The following SNTG1 variants were observed in gnomAD, a reference collection of about 807,000 sequenced individuals.
The protein encoded by SNTG1 is syntrophin gamma 1, also known as gamma-1-syntrophin.
SNTG1 carries 39 observed loss-of-function variants against 74.7 expected under a neutral mutation model. The observed-to-expected ratio is 0.52, with a 90% CI of 0.40 to 0.68. SNTG1 has a LOEUF of 0.68. Ranked by LOEUF, SNTG1 falls within the 30% of genes least tolerant of loss-of-function variation. The pLI, the probability that SNTG1 is intolerant of heterozygous loss-of-function variation, is 0.00. For missense variants in SNTG1, 685 were observed against 609.5 expected, an observed-to-expected ratio of 1.12 and a Z score of -1.30; for synonymous variants, 254 against 217.1, an observed-to-expected ratio of 1.17 and a Z score of -1.49.
Position 50,130,401 on chromosome 8 carries a change from A to T in SNTG1, c.-102-42160A>T, listed in dbSNP as rs377067455. Among the ~76,000 whole-genome samples, 8 of 152,248 alleles carry T rather than the reference A, an allele frequency of 5.3e-5. 1 individual carries two copies. The highest frequency in any genetic ancestry group is 1.9e-4 in the African/African-American group (8 of 41,562). On this transcript the variant is annotated intron_variant, in intron 1 of 18. Transcript: ENST00000642720. ...AGGAGGCACAAATATCAAGAAAGAGAAATACGAAGAAATGTAATATATAGC... is the reference window on the plus strand; with the variant it reads ...AGGAGGCACAAATATCAAGAAAGAGTAATACGAAGAAATGTAATATATAGC...
intron 1 of SNTG1, among the ~76,000 whole-genome samples, chr8:50,045,890 A>G (rs1819043717): frequency 6.6e-6 from 1 of 152,184 alleles, no homozygotes; most frequent in Admixed American, 6.5e-5. Context: ...CTGGCCACCA[A>G]AGCTCTAAGA....
intron 4 of SNTG1, among the ~76,000 whole-genome samples, chr8:50,411,266 G>A (rs1027826631): frequency 6.6e-5 from 10 of 151,900 alleles, no homozygotes; most frequent in African/African-American, 2.4e-4. Context: ...GGCTAACACG[G>A]TGAAACCCCT....
intron 8 of SNTG1, among the ~76,000 whole-genome samples, chr8:50,487,743 G>A (rs947919079): frequency 4.0e-5 from 6 of 151,810 alleles, no homozygotes; most frequent in African/African-American, 1.4e-4. Context: ...GCTTGATGAC[G>A]AGTTAGTGGG....
chr8:50,657,202 G>A (rs2095188144), intron 14 of SNTG1, among the ~76,000 whole-genome samples, 177 bp downstream of exon 14: 1 of 152,032 alleles, frequency 6.6e-6, no homozygotes, highest in Admixed American at 6.6e-5. Context: ...TTAAACATTT[G>A]CTTTAACACC....
chr8:50,500,346 C>G (rs1328469594), intron 8 of SNTG1, among the ~76,000 whole-genome samples: 2 of 151,660 alleles, frequency 1.3e-5, no homozygotes, highest in African/African-American at 2.4e-5. Context: ...GAACTATTCC[C>G]AAGTGATTTT....
intron 8 of SNTG1, among the ~76,000 whole-genome samples, chr8:50,485,226 G>C (rs2093780554): frequency 6.6e-6 from 1 of 152,188 alleles, no homozygotes; most frequent in Non-Finnish European, 1.5e-5. Context: ...CCCAGGTTTT[G>C]TTGGTTTCCT....
intron 15 of SNTG1, among the ~76,000 whole-genome samples, chr8:50,683,313 A>G (rs190448860): frequency 6.6e-6 from 1 of 152,214 alleles, no homozygotes; most frequent in East Asian, 1.9e-4. Flanking sequence ...GAAAGAAATA[A>G]CTATAGGCAT....
At chr8:49,963,604 T>C (rs1006254745) in intron 1 of SNTG1, among the ~76,000 whole-genome samples, 31 of 152,184 alleles carry the variant, frequency 2.0e-4, no homozygotes, top group Admixed American at 6.5e-5. Context: ...ATTGCCCCTA[T>C]ATCTTGCTCC....
intron 13 of SNTG1, among the ~76,000 whole-genome samples, chr8:50,623,931 C>T (rs1206506389): frequency 6.6e-6 from 1 of 151,678 alleles, no homozygotes; most frequent in Non-Finnish European, 1.5e-5. Flanking sequence ...TGAGATTTTT[C>T]CCATATTCTT....
intron 1 of SNTG1, among the ~76,000 whole-genome samples, chr8:50,077,609 A>C (rs1822009849): frequency 1.3e-5 from 2 of 152,330 alleles, no homozygotes; most frequent in Non-Finnish European, 2.9e-5. Context: ...CACCCATTGC[A>C]ACAGATAAGT....
At chr8:50,523,449 A>T (rs1304217617) in intron 9 of SNTG1, among the ~76,000 whole-genome samples, 1 of 152,094 alleles carries the variant, frequency 6.6e-6, no homozygotes, top group Non-Finnish European at 1.5e-5. Context: ...GAGACTTGCA[A>T]TTCTTTCTTT....
chr8:50,731,058 G>T (rs1452326664), intron 17 of SNTG1, among the ~76,000 whole-genome samples: 5 of 152,106 alleles, frequency 3.3e-5, no homozygotes, highest in African/African-American at 1.2e-4. Flanking sequence ...AAGTCATGTG[G>T]CTTATAAGTA....
chr8:50,553,076 T>G lies in SNTG1; in HGVS notation c.707T>G (p.Val236Gly). The G allele has an allele frequency of 3.1e-6, 5 of 1,613,908 alleles. No individual in the cohort carries two copies. The highest frequency in any genetic ancestry group is 4.2e-6 in the Non-Finnish European group (5 of 1,179,828). The part of the protein sequence containing the change: ...SRQNAFQVIA[V>G]DGVCTGIIQC... ...CAGAATGCCTTTCAAGTCATTGCTG[T>G]GGATGGGGTCTGCACTGGGATTATT... Residue 236 changes from valine to glycine, a missense_variant, in exon 12 of 19, where the codon GTG (valine) becomes GGG (glycine). Transcript: ENST00000642720.
In SNTG1 at chr8:50,438,615, A is replaced by T. The variant is rs746411852; in HGVS notation, c.219+16A>T. 2.9e-5 allele frequency: 47 copies of T among 1,605,888 alleles called. No individual in the cohort carries two copies. Among genetic ancestry groups the T allele is most frequent in the Non-Finnish European group, 3.8e-5 (45 of 1,173,264 alleles). On this transcript the variant is annotated intron_variant, in intron 5 of 18. Transcript: ENST00000642720. Reference sequence around the variant, plus strand: ...AAGCATAAAGGTAGCCTGCCTTTCTAGTCTATCCTTACAAAGGCCATGCCA... The same window carrying T: ...AAGCATAAAGGTAGCCTGCCTTTCTTGTCTATCCTTACAAAGGCCATGCCA...
At chr8:50,088,124 T>C (rs922921137) in intron 1 of SNTG1, among the ~76,000 whole-genome samples, 4 of 150,742 alleles carry the variant, frequency 2.7e-5, no homozygotes, top group Non-Finnish European at 5.9e-5. Context: ...TCATTTTTTA[T>C]GGCTGCATAG....
At chr8:50,444,092 C>T (rs1274942703) in intron 5 of SNTG1, among the ~76,000 whole-genome samples, 1 of 151,964 alleles carries the variant, frequency 6.6e-6, no homozygotes, top group Non-Finnish European at 1.5e-5. Flanking sequence ...GAGCTGAGAT[C>T]ACGCCTCTGC....
rs1423500509 is a variant in SNTG1, at chr8:50,121,039, ATATT to A, written c.-102-51513_-102-51510del. ...ATCATATCAAGACACTGAAAGGAAA[ATATT>A]TATTTATTAGATTTATTTTTATTTA... On this transcript the variant is annotated intron_variant, in intron 1 of 18. Transcript: ENST00000642720. Among the ~76,000 whole-genome samples, 12 of 142,026 alleles carry A rather than the reference ATATT, an allele frequency of 8.4e-5. 2 individuals carry two copies. Among genetic ancestry groups the A allele is most frequent in the East Asian group, 4.0e-4 (2 of 5,004 alleles). The allele number at this position is 142,026 out of a possible 152,430, so 93.2% of individuals were successfully genotyped here. A position where few individuals can be genotyped will look rare whatever the true frequency, so the allele number is the denominator to read the frequency against.
At chr8:50,442,708 T>C (rs1003596156) in intron 5 of SNTG1, among the ~76,000 whole-genome samples, 3 of 91,788 alleles carry the variant, frequency 3.3e-5, no homozygotes, top group South Asian at 3.7e-4. Flanking sequence ...AAAAAAAAAA[T>C]CAAGCTCTTC....
intron 9 of SNTG1, among the ~76,000 whole-genome samples, chr8:50,526,585 A>C (rs1443716230): frequency 6.6e-6 from 1 of 151,896 alleles, no homozygotes; most frequent in Non-Finnish European, 1.5e-5. Flanking sequence ...TCTGAACTTC[A>C]TCAAAGTCAG....
Sources: gnomAD v4.1 joint callset for allele counts (sites outside exome capture counted in the v4.1 genomes callset) on GRCh38, gnomAD v4.1.1 for gene constraint, MANE v1.5 for transcripts, NCBI Gene and HGNC (gene_info 2026-07-23, HGNC 2026-07-21) for gene names.